MYRFL: variants seen among roughly 807,000 people sequenced by gnomAD.
MYRFL encodes myelin regulatory factor like, also known as myelin regulatory factor-like protein.
A neutral mutation model predicts 109.4 loss-of-function variants in MYRFL; 88 were observed. That is an observed-to-expected ratio of 0.80 (90% confidence interval 0.68 to 0.96). The LOEUF is 0.96. MYRFL is among the 40% of genes least tolerant of loss of function. MYRFL has a pLI of 0.00. For synonymous variants in MYRFL, 324 were observed against 320.9 expected (o/e 1.01, Z -0.10); for missense variants, 957 against 954.9 (o/e 1.00, Z -0.03).
intron 13 of MYRFL, among the ~76,000 whole-genome samples, chr12:69,919,040 G>A (rs1484037745): frequency 6.6e-6 from 1 of 152,078 alleles, no homozygotes; most frequent in Non-Finnish European, 1.5e-5. Flanking sequence ...TCTCTATGAG[G>A]GCAGAGATCC....
intron 2 of MYRFL, among the ~76,000 whole-genome samples, chr12:69,856,211 T>A (rs1351350775): frequency 6.6e-6 from 1 of 152,180 alleles, no homozygotes; most frequent in Non-Finnish European, 1.5e-5. Flanking sequence ...CTCCTTTCAT[T>A]TAGCATAATG....
At chr12:69,929,132 C>CAGA (rs1411433780) in intron 15 of MYRFL, among the ~76,000 whole-genome samples, 3 of 152,116 alleles carry the variant, frequency 2.0e-5, no homozygotes, top group Admixed American at 1.3e-4. Context: ...AAAATATTCC[C>CAGA]AGAAGTATGA....
chr12:69,880,414 A>G lies in MYRFL; in HGVS notation c.556+122A>G, dbSNP rs1592747291. ...TCCCTCTCACAGAAGAGCAATGATA[A>G]GCTCTGGTAGTTTGGTTCTTCCCTC... On this transcript the variant is annotated intron_variant, in intron 5 of 24. Transcript: ENST00000552032. 3.1e-5 allele frequency: 18 copies of G among 585,198 alleles called. No homozygotes were observed. The East Asian group carries it at 4.6e-4, about 15-fold the overall frequency. 36.3% of individuals were successfully genotyped at this position (585,198 alleles called of 1,614,324 possible). A position where few individuals can be genotyped will look rare whatever the true frequency, so the allele number is the denominator to read the frequency against.
At chr12:69,936,416 T>G in intron 18 of MYRFL, 37 bp from the exon 19 acceptor site, 3 of 1,527,262 alleles carry the variant, frequency 2.0e-6, no homozygotes, top group Non-Finnish European at 2.6e-6. Flanking sequence ...CAGGTTAACC[T>G]TCTTGCTTCC....
In MYRFL at chr12:69,958,581, T is replaced by C; in HGVS notation, c.*50T>C. ...CAAAGAAAAATACTCAGGAATACAT[T>C]TAACAGAAACGAACATCCTCTTGCA... On this transcript the variant is annotated 3_prime_UTR_variant, in exon 25 of 25. Transcript: ENST00000552032. 1 of 1,335,444 alleles carries C rather than the reference T, an allele frequency of 7.5e-7. No homozygotes were observed. The highest frequency in any genetic ancestry group is 1.0e-6 in the Non-Finnish European group (1 of 982,686). The allele number at this position is 1,335,444 out of a possible 1,614,324, so 82.7% of individuals were successfully genotyped here.
chr12:69,954,141 A>G (rs1956047070), intron 21 of MYRFL, among the ~76,000 whole-genome samples: 1 of 152,226 alleles, frequency 6.6e-6, no homozygotes, highest in South Asian at 2.1e-4. Flanking sequence ...ACAGCTATTA[A>G]TTAATGTGGT....
intron 1 of MYRFL, among the ~76,000 whole-genome samples, chr12:69,838,115 G>C (rs1883053697): frequency 1.3e-5 from 2 of 152,144 alleles, no homozygotes; most frequent in Admixed American, 1.3e-4. Context: ...GACTCGGGAG[G>C]ACAGAAAGGC....
intron 5 of MYRFL, among the ~76,000 whole-genome samples, chr12:69,884,046 G>A (rs1199192926): frequency 6.6e-6 from 1 of 152,180 alleles, no homozygotes; most frequent in Non-Finnish European, 1.5e-5. Flanking sequence ...GGTGTCTCCT[G>A]CAGGGCTCAA....
At chr12:69,924,190 GAAAAAA>G (rs543542332) in intron 13 of MYRFL, among the ~76,000 whole-genome samples, 1 of 79,880 alleles carries the variant, frequency 1.3e-5, no homozygotes, top group Non-Finnish European at 2.4e-5. Context: ...CTCCGTCTCA[GAAAAAA>G]AAAAAAAAAA....
chr12:69,835,559 A>C (rs1166110356), intron 1 of MYRFL, among the ~76,000 whole-genome samples: 2 of 152,180 alleles, frequency 1.3e-5, no homozygotes, highest in Non-Finnish European at 2.9e-5. Flanking sequence ...CATCTTTGGA[A>C]TTTTACTGCC....
At chr12:69,887,723 C>G (rs1886546064) in intron 6 of MYRFL, among the ~76,000 whole-genome samples, 1 of 152,118 alleles carries the variant, frequency 6.6e-6, no homozygotes, top group South Asian at 2.1e-4. Flanking sequence ...ATCACTAGGA[C>G]TTTCATGGTG....
chr12:69,945,238 T>G (rs530596102), intron 19 of MYRFL, among the ~76,000 whole-genome samples: 1 of 152,336 alleles, frequency 6.6e-6, no homozygotes, highest in South Asian at 2.1e-4. Flanking sequence ...TTATAAAGTT[T>G]ACAGTAGTGT....
rs1269713975 is a variant in MYRFL, at chr12:69,926,676, G to T, written c.1708G>T (p.Ala570Ser). ...GTTAGAAATATGGAACAGAAAGCTG[G>T]CCCGGCTAAAGCGGCTCAGTAGTTG... Reference protein sequence around the residue: ...EELEIWNRKLARLKRLSSWKS... With the variant: ...EELEIWNRKLSRLKRLSSWKS... Residue 570 changes from alanine (A) to serine (S), a missense_variant, in exon 14 of 25, where the codon GCC becomes TCC. Physicochemically the swap from Ala to Ser is moderately conservative, Grantham distance 99. Coordinates refer to ENST00000552032, the MANE Select transcript of MYRFL (RefSeq NM_182530.3). 6.6e-7 allele frequency: 1 copy of T among 1,525,118 alleles called. No homozygotes were observed. The highest frequency in any genetic ancestry group is 1.2e-5 in the South Asian group (1 of 82,152). The allele number at this position is 1,525,118 out of a possible 1,614,324, so 94.5% of individuals were successfully genotyped here.
intron 2 of MYRFL, among the ~76,000 whole-genome samples, chr12:69,863,435 A>G (rs1309795283): frequency 1.3e-5 from 2 of 152,164 alleles, no homozygotes; most frequent in Non-Finnish European, 1.5e-5. Flanking sequence ...AGAGCCTGTT[A>G]TTGATCTATT....
intron 22 of MYRFL, among the ~76,000 whole-genome samples, chr12:69,957,605 T>C (rs1490480881): frequency 6.6e-6 from 1 of 152,160 alleles, no homozygotes; most frequent in African/African-American, 2.4e-5. Context: ...TCATATACTA[T>C]TTCGATAGCT....
At chr12:69,826,942 A>G (rs1882318194) in intron 1 of MYRFL, among the ~76,000 whole-genome samples, 1 of 152,032 alleles carries the variant, frequency 6.6e-6, no homozygotes, top group Non-Finnish European at 1.5e-5. Context: ...CTTCTCTTAC[A>G]TTTTAATAAT....
At chr12:69,907,988 C>G (rs1296370027) in intron 11 of MYRFL, among the ~76,000 whole-genome samples, 2 of 152,104 alleles carry the variant, frequency 1.3e-5, no homozygotes, top group Admixed American at 1.3e-4. Context: ...CCATTCTAGT[C>G]CAGTAATGCC....
chr12:69,831,382 A>G (rs905355743), intron 1 of MYRFL, among the ~76,000 whole-genome samples: 1 of 152,320 alleles, frequency 6.6e-6, no homozygotes, highest in East Asian at 1.9e-4. Context: ...TTACAAAAAA[A>G]GTTTACCAAC....
At chr12:69,923,026 G>A (rs746419871) in intron 13 of MYRFL, among the ~76,000 whole-genome samples, 1 of 152,152 alleles carries the variant, frequency 6.6e-6, no homozygotes, top group African/African-American at 2.4e-5. Context: ...TAAAAAAAAT[G>A]AGTTAAGCCC....
Sources: gnomAD v4.1 joint callset for allele counts (sites outside exome capture counted in the v4.1 genomes callset) on GRCh38, gnomAD v4.1.1 for gene constraint, MANE v1.5 for transcripts, NCBI Gene and HGNC (gene_info 2026-07-23, HGNC 2026-07-21) for gene names.